OTOF: variants seen among roughly 807,000 people sequenced by gnomAD.
The protein encoded by OTOF is otoferlin, also known as fer-1-like family member 2.
In OTOF, 218 loss-of-function variants were observed where a neutral mutation model predicts 236.8. That is an observed-to-expected ratio of 0.92 (90% CI 0.82 to 1.03). The LOEUF is 1.03. Ranked by LOEUF, OTOF falls within the 50% of genes least tolerant of loss-of-function variation. OTOF has a pLI of 0.00. For missense variants in OTOF, 2,590 were observed against 2,694.4 expected (o/e 0.96, Z 0.86); for synonymous variants, 1,041 against 1,072.5 (o/e 0.97, Z 0.57).
At position 26,460,328 on chromosome 2, in the gene OTOF, C is replaced by T. The variant is rs1351141658; in HGVS notation, c.5814-123G>A. 5 of 833,658 alleles carry T rather than the reference C, an allele frequency of 6.0e-6. No individual in the cohort carries two copies. The highest frequency in any genetic ancestry group is 3.1e-5 in the South Asian group (2 of 63,544). 51.6% of individuals were successfully genotyped at this position (833,658 alleles called of 1,614,324 possible). On this transcript the variant is annotated intron_variant, in intron 45 of 46. Coordinates refer to ENST00000272371, the MANE Select transcript of OTOF (RefSeq NM_194248.3). The surrounding 1 kb of genome is among the most constrained non-coding windows in gnomAD (Gnocchi z 5.3). Reference sequence around the variant, plus strand: ...TGTGTGTGCAGTTCTAGGCACCCCTCTGGCCATCAAGGCTGGCCATGGCCC... The same window carrying T: ...TGTGTGTGCAGTTCTAGGCACCCCTTTGGCCATCAAGGCTGGCCATGGCCC...
Position 26,479,392 on chromosome 2 carries a change from G to A in OTOF, c.2094-8C>T, listed in dbSNP as rs1665457497. 6.2e-7 allele frequency: 1 copy of A among 1,612,040 alleles called. No individual in the cohort carries two copies. Among genetic ancestry groups the A allele is most frequent in the African/African-American group, 1.3e-5 (1 of 75,050 alleles). ...GGCAGATGGAAGTAGTTCCTGGGGT[G>A]GGCAGAGGCGGGAGGTGAGGTCTTG... On this transcript the variant is annotated splice_polypyrimidine_tract_variant and splice_region_variant and intron_variant, in intron 17 of 46. Coordinates refer to ENST00000272371, the MANE Select transcript of OTOF (RefSeq NM_194248.3).
rs1665169480 is a variant in OTOF at position 26,474,649 on chromosome 2, G to T, written c.3152C>A (p.Thr1051Asn). Residue 1051 changes from threonine (T) to asparagine (N), a missense_variant, in exon 26 of 47, where the codon ACC becomes AAC. By Grantham distance (65) the Thr-to-Asn change is moderately conservative. Around this residue, in one of 2 missense-constraint regions of OTOF, gnomAD observed 1,211 missense variants for 1,352.8 expected, o/e 0.90. Coordinates refer to ENST00000272371, the MANE Select transcript of OTOF (RefSeq NM_194248.3). ...CATCTTCACCAGGGGTTTGGCGAAGGTCCGGCCCATGAAGTCAGCTTTGCC... is the reference window on the plus strand; with the variant it reads ...CATCTTCACCAGGGGTTTGGCGAAGTTCCGGCCCATGAAGTCAGCTTTGCC... ...SMGKADFMGR[T>N]FAKPLVKMAD... 5 of 1,613,346 alleles carry T rather than the reference G, an allele frequency of 3.1e-6. No individual in the cohort carries two copies. The highest frequency in any genetic ancestry group is 4.2e-6 in the Non-Finnish European group (5 of 1,180,016).
At chr2:26,544,238 ATTCAATGAGT>A (rs1298844908) in intron 1 of OTOF, among the ~76,000 whole-genome samples, 2 of 152,116 alleles carry the variant, frequency 1.3e-5, no homozygotes, top group Non-Finnish European at 2.9e-5. Context: ...TAAGTGTAAA[ATTCAATGAGT>A]TTCAATAAAT....
Position 26,480,307 on chromosome 2 carries a change from C to G in OTOF, c.1808G>C (p.Cys603Ser). ...VEQATPISES[C>S]AGKMEEFFLF... ...AAAGAATTCTTCCATTTTACCTGCA[C>G]AGCTCTGTGGGGAGGCAGTTCAAAG... Residue 603 changes from cysteine (C) to serine (S), a missense_variant, in exon 16 of 47, where the codon TGT becomes TCT. Around this residue, in one of 2 missense-constraint regions of OTOF, gnomAD observed 1,379 missense variants for 1,341.6 expected, o/e 1.03. Coordinates refer to ENST00000272371, the MANE Select transcript of OTOF (RefSeq NM_194248.3). 6.3e-7 allele frequency: 1 copy of G among 1,596,210 alleles called. No homozygotes were observed. Among genetic ancestry groups the G allele is most frequent in the Non-Finnish European group, 8.6e-7 (1 of 1,165,614 alleles).
Position 26,503,808 on chromosome 2 carries a change from T to G in OTOF, c.547A>C (p.Lys183Gln), listed in dbSNP as rs1666180581. ...RSVFSAMKLG[K>Q]NRSHKEEPQR... Reference sequence around the variant, plus strand: ...GGCTCCTCCTTGTGAGACCGGTTTTTGCCGAGCTTCATGGCGGAGAACACG... The same window carrying G: ...GGCTCCTCCTTGTGAGACCGGTTTTGGCCGAGCTTCATGGCGGAGAACACG... Residue 183 changes from lysine to glutamine, a missense_variant, in exon 6 of 47, where the codon AAA (lysine) becomes CAA (glutamine). Physicochemically the swap from Lys to Gln is moderately conservative, Grantham distance 53. Coordinates refer to ENST00000272371, the MANE Select transcript of OTOF (RefSeq NM_194248.3). The G allele has an allele frequency of 6.2e-7, 1 of 1,614,116 alleles. No homozygotes were observed. Among genetic ancestry groups the G allele is most frequent in the Non-Finnish European group, 8.5e-7 (1 of 1,179,972 alleles).
chr2:26,463,711 GAT>G (rs1232893341), intron 40 of OTOF, 140 bp from the exon 41 acceptor site: 1 of 843,334 alleles, frequency 1.2e-6, no homozygotes, highest in African/African-American at 1.7e-5. Flanking sequence ...GAATTCCTAT[GAT>G]GTCACCAATA....
At chr2:26,516,897 C>A (rs1217196887) in intron 4 of OTOF, among the ~76,000 whole-genome samples, 1 of 152,142 alleles carries the variant, frequency 6.6e-6, no homozygotes, top group Non-Finnish European at 1.5e-5. Context: ...GACAACTGAG[C>A]CTGGACTCAC....
intron 5 of OTOF, among the ~76,000 whole-genome samples, chr2:26,512,648 G>A (rs1366949719): frequency 2.0e-5 from 3 of 152,212 alleles, no homozygotes; most frequent in Non-Finnish European, 4.4e-5. Context: ...GGGCCAGTAA[G>A]GCTCCTGTGT....
rs765943736 is a variant in OTOF at position 26,480,254 on chromosome 2, T to C, written c.1861A>G (p.Met621Val). The C allele has an allele frequency of 9.3e-6, 15 of 1,613,070 alleles. 1 individual carries two copies. The highest frequency in any genetic ancestry group is 2.2e-5 in the East Asian group (1 of 44,900). The change falls in exon 16 of 47, where the codon ATG (methionine) becomes GTG (valine). Residue 621 changes from methionine to valine, a missense_variant. This residue lies in a region of OTOF where 1,379 missense variants were observed against 1,341.6 expected (regional missense o/e 1.03). Coordinates refer to ENST00000272371, the MANE Select transcript of OTOF (RefSeq NM_194248.3). ...FLFGAFLEASMIDRRNGDKPI... is the reference protein window; with the variant it reads ...FLFGAFLEASVIDRRNGDKPI... ...TTGTCTCCGTTTCTCCGGTCGATCA[T>C]TGAGGCCTCCAGGAAGGCTCCAAAG... is the stretch of plus-strand genomic sequence containing the variant.
chr2:26,536,488 G>A (rs1007601064), intron 2 of OTOF, among the ~76,000 whole-genome samples: 1 of 152,156 alleles, frequency 6.6e-6, no homozygotes, highest in African/African-American at 2.4e-5. Flanking sequence ...GGGCCGCGAT[G>A]GTTGATGGCT....
chr2:26,508,470 G>A (rs752158699), intron 5 of OTOF, among the ~76,000 whole-genome samples: 22 of 152,180 alleles, frequency 1.4e-4, no homozygotes, highest in African/African-American at 2.9e-4. Context: ...AAACTGGCCC[G>A]TTTGCACATG....
chr2:26,540,038 A>G (rs1667173269), intron 1 of OTOF, among the ~76,000 whole-genome samples: 1 of 152,074 alleles, frequency 6.6e-6, no homozygotes, highest in Non-Finnish European at 1.5e-5. Flanking sequence ...GGTTCAAATG[A>G]TTCTCGTGCC....
intron 9 of OTOF, among the ~76,000 whole-genome samples, chr2:26,492,567 G>C (rs966974897): frequency 6.6e-6 from 1 of 152,138 alleles, no homozygotes; most frequent in Non-Finnish European, 1.5e-5. Context: ...CCTTCATCTC[G>C]GCAGCCTCCA....
At position 26,462,386 on chromosome 2, in the gene OTOF, G is replaced by C. The variant is rs1664508719; in HGVS notation, c.5193-205C>G. On this transcript the variant is annotated intron_variant, in intron 41 of 46. Coordinates refer to ENST00000272371, the MANE Select transcript of OTOF (RefSeq NM_194248.3). The surrounding 1 kb of genome is among the most constrained non-coding windows in gnomAD (Gnocchi z 4.7). ...GCCCACCAGGCACATGGCTGTGGGC[G>C]GTGGGGGTGGGGTGAGGGGAGGAAG... Among the ~76,000 whole-genome samples, 1 of 152,234 alleles carries C rather than the reference G, an allele frequency of 6.6e-6. No homozygotes were observed. Among genetic ancestry groups the C allele is most frequent in the African/African-American group, 2.4e-5 (1 of 41,524 alleles).
Position 26,457,902 on chromosome 2 carries a change from G to A in OTOF, c.*336C>T, listed in dbSNP as rs1413661257. 2.3e-6 allele frequency: 2 copies of A among 871,900 alleles called. No homozygotes were observed. The highest frequency in any genetic ancestry group is 3.6e-6 in the Non-Finnish European group (2 of 559,114). The allele number at this position is 871,900 out of a possible 1,614,324, so 54.0% of individuals were successfully genotyped here. ...CAGTGAGGACAGGCGGCCCCCGCAA[G>A]CAGGAGGCAGGCTCGGCCCAAGGCA... On this transcript the variant is annotated 3_prime_UTR_variant, in exon 47 of 47. Transcript: ENST00000272371. The surrounding 1 kb of genome is among the most constrained non-coding windows in gnomAD (Gnocchi z 4.4).
chr2:26,512,965 G>A (rs1436501020), intron 5 of OTOF, among the ~76,000 whole-genome samples: 1 of 152,176 alleles, frequency 6.6e-6, no homozygotes, highest in East Asian at 1.9e-4. Flanking sequence ...CCTGTGCTCT[G>A]TCACACAGCA....
chr2:26,463,856 G>T (rs1286943071), intron 40 of OTOF, 108 bp downstream of exon 40: 1 of 1,462,534 alleles, frequency 6.8e-7, no homozygotes, highest in Non-Finnish European at 9.6e-7. Flanking sequence ...CAGGCTTTCT[G>T]GAATGCAGCG....
intron 5 of OTOF, among the ~76,000 whole-genome samples, chr2:26,511,766 C>T (rs778771988): frequency 7.9e-5 from 12 of 152,364 alleles, no homozygotes; most frequent in East Asian, 5.8e-4. Flanking sequence ...CCAGTGCGCC[C>T]GGCTGCCCCG....
In OTOF at chr2:26,464,053, C is replaced by T. The variant is rs1186905051; in HGVS notation, c.5014G>A (p.Glu1672Lys). Residue 1672 changes from glutamate (E) to lysine (K), a missense_variant, in exon 40 of 47, where the codon GAG becomes AAG. Glu to Lys is a moderately conservative substitution (Grantham distance 56). Coordinates refer to ENST00000272371, the MANE Select transcript of OTOF (RefSeq NM_194248.3). ...CGGCAGCCTGCGCGGGGGATGTCCTCCCAGTGCCTCAGGGCCAACAGCGCC... is the reference window on the plus strand; with the variant it reads ...CGGCAGCCTGCGCGGGGGATGTCCTTCCAGTGCCTCAGGGCCAACAGCGCC... ...HVALLALRHWEDIPRAGCRLV... is the reference protein window; with the variant it reads ...HVALLALRHWKDIPRAGCRLV... The T allele has an allele frequency of 1.2e-6, 2 of 1,613,730 alleles. No homozygotes were observed. The highest frequency in any genetic ancestry group is 1.7e-5 in the Admixed American group (1 of 60,032).
Sources: allele counts gnomAD v4.1 joint callset (sites outside exome capture counted in the v4.1 genomes callset), GRCh38; gene constraint gnomAD v4.1.1; regional missense constraint gnomAD v4.1.1; non-coding constraint Gnocchi (gnomAD v3.1); transcripts MANE v1.5; gene names NCBI Gene and HGNC (gene_info 2026-07-23, HGNC 2026-07-21).